ATE1: variants seen among roughly 807,000 people sequenced by gnomAD.
ATE1 encodes the protein arginyl-tRNA--protein transferase 1.
In ATE1, 36 loss-of-function variants were observed where a neutral mutation model predicts 70.5. The observed-to-expected ratio is 0.51, with a 90% CI of 0.39 to 0.67. The LOEUF is 0.67. Ranked by LOEUF, ATE1 falls within the 30% of genes least tolerant of loss-of-function variation. The pLI is 0.00. For missense variants in ATE1, 593 were observed against 629.5 expected (o/e 0.94, Z 0.62); for synonymous variants, 232 against 219.3 (o/e 1.06, Z -0.51).
intron 7 of ATE1, among the ~76,000 whole-genome samples, chr10:121,885,260 CAAAAAAAAAAAAAA>C (rs1212899309): frequency 1.2e-4 from 4 of 33,374 alleles, no homozygotes; most frequent in Admixed American, 3.5e-4. Flanking sequence ...GACTCCGTCT[CAAAAAAAAAAAAAA>C]AAAAAAAAAA....
chr10:121,928,033 C>G (rs1952178264), upstream of ATE1: 3 of 1,257,554 alleles, frequency 2.4e-6, no homozygotes, highest in South Asian at 3.1e-5. Flanking sequence ...CAGCGCGCCG[C>G]CCGGGAGCCT....
At position 121,820,389 on chromosome 10, in the gene ATE1, A is replaced by C. The variant is rs143531810; in HGVS notation, c.1257+16329T>G. The stretch of plus-strand genomic sequence containing the variant: ...TTGTAAATTTCTGCATAATTAAACA[A>C]ACATATATGCCATTAACAATAATAA... On this transcript the variant is annotated intron_variant, in intron 10 of 11. Transcript: ENST00000224652. 1.4e-4 allele frequency among the ~76,000 whole-genome samples: 21 copies of C among 152,366 alleles called. No individual in the cohort carries two copies. The East Asian group carries it at 4.0e-3, about 29-fold the overall frequency.
intron 3 of ATE1, 133 bp from the exon 4 acceptor site, chr10:121,914,026 C>A: frequency 1.7e-6 from 1 of 605,918 alleles, no homozygotes; most frequent in South Asian, 2.5e-5. Flanking sequence ...CTTAATGTAG[C>A]CTCTAATCCC....
chr10:121,921,895 T>C (rs1401708424), intron 3 of ATE1, among the ~76,000 whole-genome samples: 1 of 152,208 alleles, frequency 6.6e-6, no homozygotes, highest in African/African-American at 2.4e-5. Context: ...AGGTCTCTCT[T>C]GTCCTCCTGA....
At chr10:121,790,484 T>C (rs1257771007) in intron 10 of ATE1, among the ~76,000 whole-genome samples, 195 bp from the exon 11 acceptor site, 3 of 152,228 alleles carry the variant, frequency 2.0e-5, no homozygotes, top group African/African-American at 4.8e-5. Context: ...CAAGGCTCTC[T>C]GAAAGTTAAA....
At chr10:121,862,516 C>T (rs536393658) in intron 8 of ATE1, among the ~76,000 whole-genome samples, 1 of 147,832 alleles carries the variant, frequency 6.8e-6, no homozygotes, top group Non-Finnish European at 1.5e-5. Flanking sequence ...ATTACCACAA[C>T]TGATTAATTT....
intron 8 of ATE1, among the ~76,000 whole-genome samples, chr10:121,842,311 A>T (rs1486425851): frequency 6.6e-6 from 1 of 152,212 alleles, no homozygotes; most frequent in African/African-American, 2.4e-5. Flanking sequence ...TTAAATGAAA[A>T]CCATATAAAG....
chr10:121,799,036 AAAC>A (rs1675024348), intron 10 of ATE1, among the ~76,000 whole-genome samples: 2 of 152,210 alleles, frequency 1.3e-5, no homozygotes, highest in South Asian at 4.1e-4. Flanking sequence ...AACCTTAAAA[AAAC>A]AAAAGCACAA....
intron 11 of ATE1, among the ~76,000 whole-genome samples, chr10:121,789,296 C>CTTTTTTTTTTTT (rs3036893): frequency 3.2e-5 from 3 of 92,682 alleles, no homozygotes; most frequent in African/African-American, 8.2e-5. Flanking sequence ...CAGGGCTATG[C>CTTTTTTTTTTTT]TTTTTTTTTT....
At chr10:121,905,458 G>A (rs1031616256) in intron 5 of ATE1, among the ~76,000 whole-genome samples, 7 of 152,032 alleles carry the variant, frequency 4.6e-5, no homozygotes, top group African/African-American at 7.2e-5. Context: ...TACCTGTATC[G>A]TCTTTACACT....
chr10:121,795,370 C>G (rs556021825), intron 10 of ATE1, among the ~76,000 whole-genome samples: 1 of 152,146 alleles, frequency 6.6e-6, no homozygotes, highest in Non-Finnish European at 1.5e-5. Flanking sequence ...GCATGCCTCT[C>G]GATAATTCAC....
At chr10:121,791,963 T>C (rs1352038813) in intron 10 of ATE1, among the ~76,000 whole-genome samples, 4 of 152,182 alleles carry the variant, frequency 2.6e-5, no homozygotes, top group Non-Finnish European at 5.9e-5. Context: ...AGTCACCATA[T>C]GAAGCATAGA....
intron 10 of ATE1, among the ~76,000 whole-genome samples, chr10:121,795,969 C>G (rs1372291914): frequency 2.0e-5 from 3 of 152,142 alleles, no homozygotes; most frequent in Admixed American, 2.0e-4. Flanking sequence ...CAGATTGGAA[C>G]AAAGAGGTAA....
At chr10:121,777,455 A>G (rs1945795192) in intron 11 of ATE1, among the ~76,000 whole-genome samples, 1 of 152,220 alleles carries the variant, frequency 6.6e-6, no homozygotes. Flanking sequence ...GAATCTCTTT[A>G]GAGTTAAAAA....
chr10:121,768,247 T>A (rs1945357482), intron 11 of ATE1, among the ~76,000 whole-genome samples: 1 of 152,192 alleles, frequency 6.6e-6, no homozygotes, highest in African/African-American at 2.4e-5. Flanking sequence ...TGCAAGATGG[T>A]AAAATTTTGT....
chr10:121,889,828 G>T (rs1950522685), intron 7 of ATE1, among the ~76,000 whole-genome samples: 1 of 151,202 alleles, frequency 6.6e-6, no homozygotes, highest in African/African-American at 2.4e-5. Flanking sequence ...AAAAAAAAAA[G>T]TAAAGGTATT....
At chr10:121,825,152 T>C (rs1255728182) in intron 10 of ATE1, among the ~76,000 whole-genome samples, 1 of 151,694 alleles carries the variant, frequency 6.6e-6, no homozygotes, top group Non-Finnish European at 1.5e-5. Flanking sequence ...TATATAATAA[T>C]TTATTAAATA....
At chr10:121,746,062 G>C (rs1219499) in intron 11 of ATE1, among the ~76,000 whole-genome samples, 146,903 of 152,232 alleles carry the variant, frequency 0.96, 71,062 homozygotes, top group East Asian at 1. Flanking sequence ...TTCCCTTTGC[G>C]CAGAATTACC....
chr10:121,831,230 AC>A (rs1389119969), intron 10 of ATE1, among the ~76,000 whole-genome samples: 1 of 152,254 alleles, frequency 6.6e-6, no homozygotes, highest in Non-Finnish European at 1.5e-5. Flanking sequence ...GAATAACCTA[AC>A]ATTTGGATTT....
Sources: allele counts gnomAD v4.1 joint callset (sites outside exome capture counted in the v4.1 genomes callset), GRCh38; gene constraint gnomAD v4.1.1; transcripts MANE v1.5; gene names NCBI Gene and HGNC (gene_info 2026-07-23, HGNC 2026-07-21).